Variants in RMND1 observed in about 807,000 individuals in gnomAD.
RMND1 encodes required for meiotic nuclear division protein 1 homolog.
RMND1 carries 41 observed loss-of-function variants against 54.0 expected under a neutral mutation model. The ratio of observed to expected loss-of-function variants is 0.76; its 90% CI spans 0.59 to 0.98. The LOEUF is 0.98. Among genes scored for constraint, RMND1 ranks in the 50% least tolerant of loss-of-function variants. RMND1 has a pLI of 0.00. For missense variants in RMND1, 457 were observed against 532.0 expected, an observed-to-expected ratio of 0.86 and a Z score of 1.39; for synonymous variants, 183 against 181.7, an observed-to-expected ratio of 1.01 and a Z score of -0.06.
chr6:151,428,979 A>G (rs1022562349), intron 5 of RMND1, among the ~76,000 whole-genome samples: 1 of 152,260 alleles, frequency 6.6e-6, no homozygotes, highest in East Asian at 1.9e-4. Flanking sequence ...ATTTTCTTAA[A>G]TTTATTGGTC....
chr6:151,405,658 C>T (rs981386153), intron 11 of RMND1, 62 bp downstream of exon 11: 3 of 820,058 alleles, frequency 3.7e-6, no homozygotes, highest in Middle Eastern at 2.4e-4. Context: ...ATCTTATTAG[C>T]ATAGCCCCTG....
chr6:151,416,842 T>C (rs769903151), intron 10 of RMND1: 40 of 153,908 alleles, frequency 2.6e-4, no homozygotes, highest in Non-Finnish European at 4.3e-4. Context: ...CTCTCATTAT[T>C]GTTTTTCCAC....
rs1780932262 is a variant in RMND1 at position 151,445,615 on chromosome 6, T to C, written c.197A>G (p.Gln66Arg). The C allele has an allele frequency of 6.2e-6, 10 of 1,614,096 alleles. No individual in the cohort carries two copies. The highest frequency in any genetic ancestry group is 8.5e-6 in the Non-Finnish European group (10 of 1,180,038). ...DKTASGLNKS[Q>R]ILEMNQKKSD... Reference sequence around the variant, plus strand: ...CTTTTTTTGGTTCATTTCCAGGATCTGAGACTTATTCAAACCACTAGCTGT... The same window carrying C: ...CTTTTTTTGGTTCATTTCCAGGATCCGAGACTTATTCAAACCACTAGCTGT... The change falls in exon 2 of 12, where the codon CAG (glutamine) becomes CGG (arginine). Residue 66 changes from glutamine (Q) to arginine (R), a missense_variant. Gln to Arg is a conservative substitution (Grantham distance 43). Coordinates refer to ENST00000444024, the MANE Select transcript of RMND1 (RefSeq NM_017909.4).
Position 151,422,522 on chromosome 6 carries a change from A to G in RMND1, c.1002+19T>C. 1 of 1,272,590 alleles carries G rather than the reference A, an allele frequency of 7.9e-7. No individual in the cohort carries two copies. 78.8% of individuals were successfully genotyped at this position (1,272,590 alleles called of 1,614,324 possible). A position where few individuals can be genotyped will look rare whatever the true frequency, so the allele number is the denominator to read the frequency against. ...TATAAAAATCAATCCTTGAATAAGCATAAAATTGATATAATTACCTCAGGA... is the reference window on the plus strand; with the variant it reads ...TATAAAAATCAATCCTTGAATAAGCGTAAAATTGATATAATTACCTCAGGA... On this transcript the variant is annotated intron_variant, in intron 8 of 11. Transcript: ENST00000444024.
chr6:151,433,759 T>C (rs1374088927), intron 3 of RMND1, among the ~76,000 whole-genome samples: 1 of 150,636 alleles, frequency 6.6e-6, no homozygotes, highest in Non-Finnish European at 1.5e-5. Flanking sequence ...TCAAAACATA[T>C]GTGATTTCAA....
At chr6:151,445,881 T>C in intron 1 of RMND1, 56 bp from the exon 2 acceptor site, 3 of 1,403,994 alleles carry the variant, frequency 2.1e-6, no homozygotes, top group Non-Finnish European at 1.9e-6. Flanking sequence ...AAAACATATA[T>C]AATATTTCCC....
intron 2 of RMND1, among the ~76,000 whole-genome samples, chr6:151,444,314 G>C (rs977350330): frequency 1.2e-4 from 19 of 152,200 alleles, no homozygotes; most frequent in African/African-American, 4.6e-4. Flanking sequence ...CAAAAGGAAA[G>C]GGGAAACAGT....
chr6:151,428,310 T>C (rs560230344), intron 5 of RMND1, among the ~76,000 whole-genome samples: 5 of 152,316 alleles, frequency 3.3e-5, no homozygotes, highest in African/African-American at 1.2e-4. Flanking sequence ...ATGCTGCTTT[T>C]TATGTAAAAT....
chr6:151,451,572 T>A (rs1781198952), intron 1 of RMND1, among the ~76,000 whole-genome samples: 2 of 152,204 alleles, frequency 1.3e-5, no homozygotes, highest in Non-Finnish European at 2.9e-5. Flanking sequence ...TGTTTTTTCC[T>A]ATTATATCTC....
chr6:151,435,183 T>C (rs1196350671), intron 3 of RMND1, among the ~76,000 whole-genome samples: 3 of 152,016 alleles, frequency 2.0e-5, no homozygotes, highest in African/African-American at 7.3e-5. Flanking sequence ...TCTCACTCTG[T>C]CGCCCAGGTT....
intron 1 of RMND1, among the ~76,000 whole-genome samples, chr6:151,448,475 C>A (rs1781026805): frequency 6.6e-6 from 1 of 152,156 alleles, no homozygotes; most frequent in Non-Finnish European, 1.5e-5. Flanking sequence ...CCAGTCTTTC[C>A]CATTCATGAG....
intron 1 of RMND1, among the ~76,000 whole-genome samples, chr6:151,449,225 T>C (rs1484093090): frequency 6.6e-6 from 1 of 151,846 alleles, no homozygotes; most frequent in African/African-American, 2.4e-5. Context: ...AAAAATTAGC[T>C]GAGCGTGGCG....
intron 2 of RMND1, among the ~76,000 whole-genome samples, chr6:151,438,520 C>A (rs1238745082): frequency 1.3e-5 from 2 of 152,194 alleles, no homozygotes; most frequent in East Asian, 3.8e-4. Flanking sequence ...TGTAAACTGG[C>A]AGCTCGGAGA....
chr6:151,445,599 G>T lies in RMND1; in HGVS notation c.213C>A (p.Asn71Lys). 1 of 1,614,034 alleles carries T rather than the reference G, an allele frequency of 6.2e-7. No homozygotes were observed. Among genetic ancestry groups the T allele is most frequent in the South Asian group, 1.1e-5 (1 of 91,070 alleles). Residue 71 changes from asparagine (N) to lysine (K), a missense_variant, in exon 2 of 12, where the codon AAC (asparagine) becomes AAA (lysine). Asn to Lys is a moderately conservative substitution (Grantham distance 94). Transcript: ENST00000444024. ...GLNKSQILEMNQKKSDTSMLS... is the reference protein window; with the variant it reads ...GLNKSQILEMKQKKSDTSMLS... ...GCATGCTGGTATCTGACTTTTTTTG[G>T]TTCATTTCCAGGATCTGAGACTTAT...
intron 5 of RMND1, among the ~76,000 whole-genome samples, chr6:151,428,638 C>G (rs1780372045): frequency 6.6e-6 from 1 of 152,032 alleles, no homozygotes; most frequent in African/African-American, 2.4e-5. Context: ...TTCGAGCGAT[C>G]CCCCTGCCTT....
In RMND1 at chr6:151,415,427, C is replaced by T. The variant is rs555633710; in HGVS notation, c.1200+1852G>A. Among the ~76,000 whole-genome samples the T allele has an allele frequency of 6.0e-5, 9 of 151,242 alleles. No homozygotes were observed. The South Asian group carries it at 6.3e-4, about 11-fold the overall frequency. ...GAGCAACTACTAAATATCTATGCAACGAGATATATTAAAAAGTAACATCAA... is the reference window on the plus strand; with the variant it reads ...GAGCAACTACTAAATATCTATGCAATGAGATATATTAAAAAGTAACATCAA... On this transcript the variant is annotated intron_variant, in intron 10 of 11. Transcript: ENST00000444024.
At chr6:151,409,214 G>C (rs890977989) in intron 10 of RMND1, among the ~76,000 whole-genome samples, 7 of 152,212 alleles carry the variant, frequency 4.6e-5, no homozygotes, top group African/African-American at 1.7e-4. Flanking sequence ...AACATTAATA[G>C]TTGGGGGCTT....
In RMND1 at chr6:151,422,273, CTATT is replaced by C. The variant is rs72483295; in HGVS notation, c.1002+264_1002+267del. Among the ~76,000 whole-genome samples, 15,295 of 151,996 alleles carry C rather than the reference CTATT, an allele frequency of 0.1. 2,269 individuals are homozygous for C. Among genetic ancestry groups the C allele is most frequent in the African/African-American group, 0.33 (13,676 of 41,354 alleles). ...TTTCCTAAATAATACAGTATAACAA[CTATT>C]TACATAGTATTTACATTATATTAGG... On this transcript the variant is annotated intron_variant, in intron 8 of 11. Coordinates refer to ENST00000444024, the MANE Select transcript of RMND1 (RefSeq NM_017909.4).
chr6:151,439,226 T>C (rs772957043), intron 2 of RMND1, among the ~76,000 whole-genome samples: 4 of 152,260 alleles, frequency 2.6e-5, no homozygotes, highest in African/African-American at 9.6e-5. Flanking sequence ...ATACTATCTA[T>C]GTAGACAGGT....
Sources: gnomAD v4.1 joint callset for allele counts (sites outside exome capture counted in the v4.1 genomes callset) on GRCh38, gnomAD v4.1.1 for gene constraint, MANE v1.5 for transcripts, NCBI Gene and HGNC (gene_info 2026-07-23, HGNC 2026-07-21) for gene names.